CDC42BPB: variants seen among roughly 807,000 people sequenced by gnomAD.
CDC42BPB encodes serine/threonine-protein kinase MRCK beta.
CDC42BPB carries 37 observed loss-of-function variants against 214.9 expected under a neutral mutation model. That is an observed-to-expected ratio of 0.17 (90% CI 0.13 to 0.23). The LOEUF (loss-of-function observed/expected upper bound fraction) is 0.23. Among genes scored for constraint, CDC42BPB ranks in the 10% least tolerant of loss-of-function variants. The pLI, the probability that CDC42BPB is intolerant of heterozygous loss-of-function variation, is 1.00. For missense variants in CDC42BPB, 1,694 were observed against 2,227.0 expected (o/e 0.76, Z 4.82); for synonymous variants, 931 against 884.0 (o/e 1.05, Z -0.94).
intron 1 of CDC42BPB, among the ~76,000 whole-genome samples, chr14:103,031,983 TA>T (rs1887402810): frequency 6.9e-6 from 1 of 145,642 alleles, no homozygotes. Context: ...CTATTATTAT[TA>T]TTATTATTTT....
In CDC42BPB at chr14:102,947,814, G is replaced by T. The variant is rs200453188; in HGVS notation, c.3450-12C>A. ...AAAACTCGTCATCTCTGGTAAGGAA[G>T]AAACATTGACCCCGCTGGGAGACAC... On this transcript the variant is annotated splice_polypyrimidine_tract_variant and intron_variant, in intron 26 of 36. Coordinates refer to ENST00000361246, the MANE Select transcript of CDC42BPB (RefSeq NM_006035.4). 33 of 1,612,398 alleles carry T rather than the reference G, an allele frequency of 2.0e-5. No individual in the cohort carries two copies. Among genetic ancestry groups the T allele is most frequent in the Non-Finnish European group, 2.6e-5 (31 of 1,179,766 alleles).
Position 102,943,857 on chromosome 14 carries a change from C to A in CDC42BPB, c.4408+34G>T. 2 of 1,555,472 alleles carry A rather than the reference C, an allele frequency of 1.3e-6. No individual in the cohort carries two copies. The highest frequency in any genetic ancestry group is 1.2e-5 in the South Asian group (1 of 85,254). On this transcript the variant is annotated intron_variant, in intron 30 of 36. Coordinates refer to ENST00000361246, the MANE Select transcript of CDC42BPB (RefSeq NM_006035.4). This position sits in a 1 kb window ranked among gnomAD's most constrained non-coding sequence, Gnocchi z 4.6. Reference sequence around the variant, plus strand: ...TGCTGACTGTCGGTGGGAAAAGCAGCAACAGGGATATGCAACAGAAAACAT... The same window carrying A: ...TGCTGACTGTCGGTGGGAAAAGCAGAAACAGGGATATGCAACAGAAAACAT...
chr14:102,985,607 T>C (rs1894209759), intron 6 of CDC42BPB, among the ~76,000 whole-genome samples: 2 of 152,244 alleles, frequency 1.3e-5, no homozygotes, highest in South Asian at 4.1e-4. Flanking sequence ...AGCAAACTGC[T>C]TTATTTCTTA....
intron 1 of CDC42BPB, among the ~76,000 whole-genome samples, chr14:103,036,241 C>A (rs756935730): frequency 6.6e-6 from 1 of 151,714 alleles, no homozygotes; most frequent in Non-Finnish European, 1.5e-5. Context: ...CAAGCTCCCC[C>A]TCCTGGGTTC....
chr14:102,983,405 A>G (rs1894094852), intron 7 of CDC42BPB, 151 bp downstream of exon 7: 2 of 1,208,614 alleles, frequency 1.7e-6, no homozygotes, highest in South Asian at 1.6e-5. Flanking sequence ...TGTCTACTCC[A>G]ATCTGCCTGT....
intron 1 of CDC42BPB, among the ~76,000 whole-genome samples, chr14:103,023,866 T>A (rs1394620933): frequency 1.3e-5 from 2 of 152,158 alleles, no homozygotes; most frequent in African/African-American, 2.4e-5. Context: ...CAGATCAATT[T>A]TCAAAGACAA....
rs1263126647 is a variant in CDC42BPB at position 102,944,879 on chromosome 14, C to CGA, written c.3812-393_3812-392insTC. On this transcript the variant is annotated intron_variant, in intron 29 of 36. Coordinates refer to ENST00000361246, the MANE Select transcript of CDC42BPB (RefSeq NM_006035.4). The surrounding 1 kb of genome is among the most constrained non-coding windows in gnomAD (Gnocchi z 6.6). Reference sequence around the variant, plus strand: ...TCATCCCCGAACCAGAGGGCCCTCACGCTGCACATGAGGGACAAAGAGCTG... The same window carrying CGA: ...TCATCCCCGAACCAGAGGGCCCTCACGAGCTGCACATGAGGGACAAAGAGCTG... Among the ~76,000 whole-genome samples, 1 of 152,196 alleles carries CGA rather than the reference C, an allele frequency of 6.6e-6. No homozygotes were observed. Among genetic ancestry groups the CGA allele is most frequent in the East Asian group, 1.9e-4 (1 of 5,198 alleles).
intron 4 of CDC42BPB, among the ~76,000 whole-genome samples, chr14:103,003,041 C>T (rs181958407): frequency 3.3e-5 from 5 of 152,256 alleles, no homozygotes; most frequent in Admixed American, 3.3e-4. Context: ...GGTGGACACG[C>T]ACGTTGGCTG....
intron 21 of CDC42BPB, among the ~76,000 whole-genome samples, chr14:102,955,058 A>T (rs1203421529): frequency 6.6e-6 from 1 of 152,226 alleles, no homozygotes; most frequent in Admixed American, 6.5e-5. Flanking sequence ...CTGAAAGGGC[A>T]AGACCTGGAA....
At chr14:103,045,035 AAAAT>A (rs36127793) in intron 1 of CDC42BPB, among the ~76,000 whole-genome samples, 52,452 of 145,938 alleles carry the variant, frequency 0.36, 9,956 homozygotes, top group African/African-American at 0.46. Context: ...CTCTGTCTCT[AAAAT>A]AAATAAATAA....
intron 5 of CDC42BPB, among the ~76,000 whole-genome samples, chr14:102,996,817 A>AAAAG (rs1168555554): frequency 2.6e-5 from 4 of 151,902 alleles, no homozygotes; most frequent in African/African-American, 9.7e-5. Flanking sequence ...CATCTCAAAA[A>AAAAG]AAAAAAAAAA....
intron 8 of CDC42BPB, 36 bp from the exon 9 acceptor site, chr14:102,978,241 C>T: frequency 1.2e-6 from 2 of 1,605,108 alleles, no homozygotes; most frequent in Non-Finnish European, 1.7e-6. Flanking sequence ...ATGAAATCTA[C>T]ATTCAAACAA....
intron 18 of CDC42BPB, 100 bp from the exon 19 acceptor site, chr14:102,964,750 C>G: frequency 7.0e-7 from 1 of 1,424,934 alleles, no homozygotes; most frequent in Non-Finnish European, 9.2e-7. Context: ...TAAGCCATTA[C>G]GGTCTCATTT....
chr14:102,995,208 CTT>C (rs1159501062), intron 5 of CDC42BPB, among the ~76,000 whole-genome samples: 2 of 150,354 alleles, frequency 1.3e-5, no homozygotes, highest in Non-Finnish European at 2.9e-5. Flanking sequence ...GAGTATCGCT[CTT>C]GTTCTCCAGG....
At chr14:103,006,485 T>G (rs1885826935) in intron 3 of CDC42BPB, among the ~76,000 whole-genome samples, 1 of 152,238 alleles carries the variant, frequency 6.6e-6, no homozygotes, top group Non-Finnish European at 1.5e-5. Context: ...TATCCAGCAG[T>G]TTTGTTTAAG....
At chr14:102,973,125 G>A (rs1893561198) in intron 12 of CDC42BPB, among the ~76,000 whole-genome samples, 1 of 152,198 alleles carries the variant, frequency 6.6e-6, no homozygotes, top group Non-Finnish European at 1.5e-5. Context: ...TGAGCAAGCT[G>A]GCAGGGCAGC....
chr14:102,974,447 C>T lies in CDC42BPB; in HGVS notation c.1508-298G>A, dbSNP rs963229124. The stretch of plus-strand genomic sequence containing the variant: ...GGCGCACACACTCGTCTGCTCAGTC[C>T]CTCTAACCTGTGTCACCCAGCACAG... On this transcript the variant is annotated intron_variant, in intron 11 of 36. Coordinates refer to ENST00000361246, the MANE Select transcript of CDC42BPB (RefSeq NM_006035.4). The T allele has an allele frequency of 6.2e-6, 5 of 807,416 alleles. No homozygotes were observed. The African/African-American group carries it at 9.5e-5, about 15-fold the overall frequency. 50.0% of individuals were successfully genotyped at this position (807,416 alleles called of 1,614,324 possible). A position where few individuals can be genotyped will look rare whatever the true frequency, so the allele number is the denominator to read the frequency against.
At chr14:102,967,247 C>A in intron 16 of CDC42BPB, 77 bp from the exon 17 acceptor site, 1 of 1,507,212 alleles carries the variant, frequency 6.6e-7, no homozygotes, top group South Asian at 1.3e-5. Flanking sequence ...ACTGGAAGTT[C>A]TTTTGAAGAC....
chr14:102,939,774 T>C, intron 33 of CDC42BPB, 47 bp from the exon 34 acceptor site: 1 of 1,614,052 alleles, frequency 6.2e-7, no homozygotes, highest in African/African-American at 1.3e-5. Context: ...GTGAGAATCC[T>C]CTTGGCCCCC....
Sources: allele counts gnomAD v4.1 joint callset (sites outside exome capture counted in the v4.1 genomes callset), GRCh38; gene constraint gnomAD v4.1.1; non-coding constraint Gnocchi (gnomAD v3.1); transcripts MANE v1.5; gene names NCBI Gene and HGNC (gene_info 2026-07-23, HGNC 2026-07-21).